The following SORCS1 variants were observed in gnomAD, a reference collection of about 807,000 sequenced individuals.
The protein encoded by SORCS1 is VPS10 domain-containing receptor SorCS1.
A neutral mutation model predicts 146.1 loss-of-function variants in SORCS1; 60 were observed. That is an observed-to-expected ratio of 0.41 (90% CI 0.33 to 0.51). SORCS1 has a LOEUF of 0.51. Ranked by LOEUF, SORCS1 falls within the 20% of genes least tolerant of loss-of-function variation. The pLI is 0.21. For synonymous variants in SORCS1, 637 were observed against 584.0 expected, an observed-to-expected ratio of 1.09 and a Z score of -1.31; for missense variants, 1,352 against 1,487.6, an observed-to-expected ratio of 0.91 and a Z score of 1.50.
At chr10:106,930,780 C>A (rs1953378940) in intron 2 of SORCS1, among the ~76,000 whole-genome samples, 1 of 152,052 alleles carries the variant, frequency 6.6e-6, no homozygotes, top group Non-Finnish European at 1.5e-5. Context: ...CTAGGTGAAA[C>A]TTCTTCAAAA....
At chr10:106,949,969 T>C (rs1283642047) in intron 2 of SORCS1, among the ~76,000 whole-genome samples, 1 of 152,242 alleles carries the variant, frequency 6.6e-6, no homozygotes, top group Non-Finnish European at 1.5e-5. Flanking sequence ...ATGAATATAT[T>C]TCTTCTCAGA....
At chr10:106,592,873 C>T (rs1459367682) in intron 24 of SORCS1, among the ~76,000 whole-genome samples, 1 of 151,650 alleles carries the variant, frequency 6.6e-6, no homozygotes, top group Non-Finnish European at 1.5e-5. Flanking sequence ...TGTGGTGGCT[C>T]ATGCCTGTAA....
At chr10:106,776,960 C>A (rs1037515635) in intron 3 of SORCS1, among the ~76,000 whole-genome samples, 1 of 152,116 alleles carries the variant, frequency 6.6e-6, no homozygotes, top group Non-Finnish European at 1.5e-5. Flanking sequence ...TTTTAGGGGA[C>A]TCTTTGTTTT....
chr10:107,018,240 T>C (rs898584583), intron 1 of SORCS1, among the ~76,000 whole-genome samples: 2 of 152,050 alleles, frequency 1.3e-5, no homozygotes, highest in Admixed American at 6.6e-5. Flanking sequence ...AGTGGCGCAA[T>C]CTTGGCTCAC....
chr10:106,583,340 T>C (rs1845033590), intron 24 of SORCS1, among the ~76,000 whole-genome samples: 2 of 152,234 alleles, frequency 1.3e-5, no homozygotes, highest in African/African-American at 4.8e-5. Context: ...CACATCAGTA[T>C]ATTAAATGAT....
At chr10:107,158,577 C>T (rs1416661185) in intron 1 of SORCS1, among the ~76,000 whole-genome samples, 1 of 152,220 alleles carries the variant, frequency 6.6e-6, no homozygotes, top group East Asian at 1.9e-4. Context: ...CATGTTCTGT[C>T]CTCAGAGAAC....
At chr10:106,723,601 G>A (rs1344410180) in intron 6 of SORCS1, among the ~76,000 whole-genome samples, 3 of 152,296 alleles carry the variant, frequency 2.0e-5, no homozygotes, top group East Asian at 3.9e-4. Context: ...AAGGCAGAAA[G>A]TAATACAATA....
intron 5 of SORCS1, among the ~76,000 whole-genome samples, chr10:106,748,391 C>G (rs1340830592): frequency 6.6e-6 from 1 of 152,078 alleles, no homozygotes; most frequent in Non-Finnish European, 1.5e-5. Context: ...AAACAACAAC[C>G]ATATAAGACT....
At chr10:106,810,079 A>G (rs1856005) in intron 3 of SORCS1, among the ~76,000 whole-genome samples, 67,610 of 151,974 alleles carry the variant, frequency 0.44, 15,315 homozygotes, top group African/African-American at 0.54. Flanking sequence ...AAATTAGCCA[A>G]GTGTCGTGGC....
chr10:107,029,006 A>T (rs1327815732), intron 1 of SORCS1, among the ~76,000 whole-genome samples: 2 of 152,218 alleles, frequency 1.3e-5, no homozygotes, highest in East Asian at 3.8e-4. Context: ...GTTCCTAGAT[A>T]CCAAATCATT....
Position 106,960,644 on chromosome 10 carries a change from A to C in SORCS1, c.559-4064T>G, listed in dbSNP as rs1370330691. 6.6e-6 allele frequency among the ~76,000 whole-genome samples: 1 copy of C among 151,980 alleles called. No individual in the cohort carries two copies. Among genetic ancestry groups the C allele is most frequent in the Non-Finnish European group, 1.5e-5 (1 of 67,988 alleles). ...TCTCGATCTCTTGACCTCGTGATCC[A>C]CCTGACTCAGCCTCCCAAAGTGCTG... On this transcript the variant is annotated intron_variant, in intron 1 of 25. Transcript: ENST00000263054. This position sits in a 1 kb window ranked among gnomAD's most constrained non-coding sequence, Gnocchi z 4.4.
At chr10:107,088,422 G>C (rs908212283) in intron 1 of SORCS1, among the ~76,000 whole-genome samples, 1 of 152,176 alleles carries the variant, frequency 6.6e-6, no homozygotes, top group Non-Finnish European at 1.5e-5. Context: ...CCCTGGGGGG[G>C]ACGGTGGGAT....
intron 1 of SORCS1, among the ~76,000 whole-genome samples, chr10:107,005,336 G>C (rs1044748494): frequency 6.6e-6 from 1 of 151,516 alleles, no homozygotes; most frequent in East Asian, 1.9e-4. Flanking sequence ...TTTCGGGGGC[G>C]GGGGGTAGGG....
At chr10:107,003,100 C>A (rs556535797) in intron 1 of SORCS1, among the ~76,000 whole-genome samples, 3 of 151,978 alleles carry the variant, frequency 2.0e-5, no homozygotes, top group African/African-American at 4.8e-5. Flanking sequence ...ACTAAAAGTA[C>A]AAAAATTAGC....
At chr10:106,785,856 GT>G (rs1318568132) in intron 3 of SORCS1, among the ~76,000 whole-genome samples, 2 of 152,186 alleles carry the variant, frequency 1.3e-5, no homozygotes, top group Non-Finnish European at 2.9e-5. Flanking sequence ...TAACAATGAG[GT>G]CCATTTCATG....
intron 1 of SORCS1, among the ~76,000 whole-genome samples, chr10:106,992,031 T>C (rs1956790232): frequency 7.1e-6 from 1 of 141,468 alleles, no homozygotes; most frequent in African/African-American, 3.2e-5. Flanking sequence ...ATGTGACTCG[T>C]TGTGAATATT....
At chr10:107,105,262 A>G (rs1272365467) in intron 1 of SORCS1, among the ~76,000 whole-genome samples, 2 of 152,200 alleles carry the variant, frequency 1.3e-5, no homozygotes, top group Non-Finnish European at 2.9e-5. Context: ...CTCAGTTAAG[A>G]TATGAAAGGC....
Position 106,611,899 on chromosome 10 carries a change from G to A in SORCS1, c.3033+12C>T. ...AGGTACCCGGGCAAGAGAAGAAACT[G>A]TGTGCACTCACTTCCACCAGGGATT... On this transcript the variant is annotated intron_variant, in intron 22 of 25. Transcript: ENST00000263054. 1 of 1,586,916 alleles carries A rather than the reference G, an allele frequency of 6.3e-7. No homozygotes were observed. Among genetic ancestry groups the A allele is most frequent in the Non-Finnish European group, 8.7e-7 (1 of 1,155,302 alleles).
chr10:106,800,884 C>T (rs2136640095), intron 3 of SORCS1, among the ~76,000 whole-genome samples: 1 of 152,280 alleles, frequency 6.6e-6, no homozygotes, highest in Middle Eastern at 3.4e-3. Context: ...TCTCCTAGGC[C>T]TTCAGTGGGC....
Sources: allele counts gnomAD v4.1 joint callset (sites outside exome capture counted in the v4.1 genomes callset), GRCh38; gene constraint gnomAD v4.1.1; non-coding constraint Gnocchi (gnomAD v3.1); transcripts MANE v1.5; gene names NCBI Gene and HGNC (gene_info 2026-07-23, HGNC 2026-07-21).